The following ANXA8 variants were observed in gnomAD, a reference collection of about 807,000 sequenced individuals.
ANXA8 encodes annexin A8.
In ANXA8, 9 loss-of-function variants were observed where a neutral mutation model predicts 26.8. That is an observed-to-expected ratio of 0.34 (90% CI 0.20 to 0.59). ANXA8 has a LOEUF of 0.59. ANXA8 is among the 20% of genes least tolerant of loss of function. The probability of loss-of-function intolerance (pLI) is 0.84; values close to 1 mark genes in which losing one functional copy is unlikely to be tolerated. For missense variants in ANXA8, 83 were observed against 238.5 expected (o/e 0.35, Z 4.29); for synonymous variants, 39 against 94.8 (o/e 0.41, Z 3.42).
At chr10:47,561,231 G>A in the ANXA8 span, among the ~76,000 whole-genome samples, 1 of 151,562 alleles carries the variant, frequency 6.6e-6, no homozygotes, top group Admixed American at 6.6e-5. Context: ...TTTTTCTGGT[G>A]AGAACATCTG....
the ANXA8 span, among the ~76,000 whole-genome samples, chr10:47,983,004 AT>A: frequency 8.3e-6 from 1 of 120,442 alleles, no homozygotes; most frequent in Non-Finnish European, 1.8e-5. Context: ...ATTATTAGTC[AT>A]TAGGAAAGCG....
At chr10:47,702,191 T>C in the ANXA8 span, among the ~76,000 whole-genome samples, 1 of 150,058 alleles carries the variant, frequency 6.7e-6, no homozygotes, top group South Asian at 2.1e-4. Flanking sequence ...TACAGAAATA[T>C]AGGCATGTGT....
Position 47,474,840 on chromosome 10 carries a change from C to T in ANXA8, c.552+105G>A. On this transcript the variant is annotated intron_variant, in intron 7 of 11. Coordinates refer to ENST00000585281, the MANE Select transcript of ANXA8 (RefSeq NM_001040084.3). ...GGACAAAGGCCTATAGGGAGCTGAGCTGGGTGGGTCCCAGCCCAGTGTCAG... is the reference window on the plus strand; with the variant it reads ...GGACAAAGGCCTATAGGGAGCTGAGTTGGGTGGGTCCCAGCCCAGTGTCAG... 2.9e-6 allele frequency: 4 copies of T among 1,392,252 alleles called. 1 individual carries two copies. The South Asian group carries it at 3.7e-5, about 13-fold the overall frequency. 86.2% of individuals were successfully genotyped at this position (1,392,252 alleles called of 1,614,324 possible).
the ANXA8 span, among the ~76,000 whole-genome samples, chr10:47,957,748 T>C: frequency 1.3e-5 from 2 of 148,632 alleles, no homozygotes; most frequent in Non-Finnish European, 1.5e-5. Context: ...CTGCTTCCAG[T>C]AGCTCCAAGC....
rs1324870515 is a variant in ANXA8, at chr10:47,469,278, C to T, written c.925-372G>A. ...CATTATTCAACACCTGCTGTGGCAG[C>T]TTGGGAATCAAGGCTGAGAGTGAGG... On this transcript the variant is annotated intron_variant, in intron 11 of 11. Coordinates refer to ENST00000585281, the MANE Select transcript of ANXA8 (RefSeq NM_001040084.3). Among the ~76,000 whole-genome samples, 9 of 151,070 alleles carry T rather than the reference C, an allele frequency of 6.0e-5. No homozygotes were observed. The South Asian group carries it at 1.7e-3, about 29-fold the overall frequency.
the ANXA8 span, among the ~76,000 whole-genome samples, chr10:47,733,204 T>TCTTTCTTC: frequency 9.4e-6 from 1 of 106,944 alleles, no homozygotes; most frequent in Non-Finnish European, 2.2e-5. Context: ...TTTCTTTCTT[T>TCTTTCTTC]CTTTCTTTCT....
chr10:47,639,334 A>C, the ANXA8 span, among the ~76,000 whole-genome samples: 1 of 102,026 alleles, frequency 9.8e-6, no homozygotes, highest in Non-Finnish European at 1.9e-5. Flanking sequence ...TTTTTTTGAG[A>C]CGGAGTCTAG....
At chr10:47,566,196 G>A in the ANXA8 span, among the ~76,000 whole-genome samples, 11 of 152,102 alleles carry the variant, frequency 7.2e-5, no homozygotes, top group Admixed American at 6.5e-4. Context: ...AGTGCGGGTG[G>A]TCCTCGAGCT....
chr10:47,564,969 T>G, the ANXA8 span: 4 of 1,202,474 alleles, frequency 3.3e-6, no homozygotes, highest in African/African-American at 4.5e-5. Flanking sequence ...AAAGCCAAGC[T>G]GTCCAGCTGC....
chr10:47,625,869 C>T, the ANXA8 span, among the ~76,000 whole-genome samples: 1 of 150,896 alleles, frequency 6.6e-6, no homozygotes, highest in Non-Finnish European at 1.5e-5. Context: ...ACCGACATCT[C>T]TGCAATTTCC....
chr10:47,514,232 A>C, the ANXA8 span, among the ~76,000 whole-genome samples: 1 of 149,194 alleles, frequency 6.7e-6, no homozygotes, highest in African/African-American at 2.5e-5. Context: ...CGGATAAAGA[A>C]ACTGTGATAT....
chr10:47,706,649 T>G, the ANXA8 span: 1 of 982,602 alleles, frequency 1.0e-6, no homozygotes, highest in Non-Finnish European at 1.6e-6. Flanking sequence ...TGGAATCTTC[T>G]GCTAAAGAAA....
chr10:47,495,062 CCT>C, the ANXA8 span, among the ~76,000 whole-genome samples: 180 of 148,782 alleles, frequency 1.2e-3, no homozygotes, highest in Non-Finnish European at 2.1e-3. Flanking sequence ...AACCACCTCT[CCT>C]CTCTCTCTCT....
chr10:47,723,586 A>T, the ANXA8 span, among the ~76,000 whole-genome samples: 1 of 133,058 alleles, frequency 7.5e-6, no homozygotes, highest in Non-Finnish European at 1.6e-5. Flanking sequence ...CTTGCTTTCT[A>T]ACCTGTCTCT....
At chr10:47,710,709 G>GA in the ANXA8 span, 1 of 777,120 alleles carries the variant, frequency 1.3e-6, no homozygotes, top group Non-Finnish European at 2.1e-6. Flanking sequence ...AACTTCAAAG[G>GA]AAAAAAGGTA....
the ANXA8 span, among the ~76,000 whole-genome samples, chr10:47,554,835 A>G: frequency 6.6e-6 from 1 of 152,222 alleles, no homozygotes; most frequent in East Asian, 1.9e-4. Context: ...TTATCCCTGA[A>G]GAGCTTAGGA....
chr10:47,977,333 G>C, the ANXA8 span, among the ~76,000 whole-genome samples: 1 of 150,516 alleles, frequency 6.6e-6, no homozygotes, highest in African/African-American at 2.4e-5. Context: ...TTGTGAAGAG[G>C]GGTGAGGTCT....
the ANXA8 span, among the ~76,000 whole-genome samples, chr10:47,581,774 T>G: frequency 3.7e-5 from 3 of 81,322 alleles, no homozygotes; most frequent in African/African-American, 9.8e-5. Context: ...GCTAACTTTT[T>G]GTATTTTTTT....
the ANXA8 span, among the ~76,000 whole-genome samples, chr10:47,650,130 T>C: frequency 1.4e-5 from 2 of 147,258 alleles, no homozygotes; most frequent in East Asian, 4.0e-4. Context: ...ATCTCTTGAG[T>C]CTGGGAGGTG....
Sources: gnomAD v4.1 joint callset for allele counts (sites outside exome capture counted in the v4.1 genomes callset) on GRCh38, gnomAD v4.1.1 for gene constraint, MANE v1.5 for transcripts, NCBI Gene and HGNC (gene_info 2026-07-23, HGNC 2026-07-21) for gene names.